The following EMCN variants were observed in gnomAD, a reference collection of about 807,000 sequenced individuals.
The protein encoded by EMCN is MUC-14.
In EMCN, 37 loss-of-function variants were observed where a neutral mutation model predicts 38.4. The ratio of observed to expected loss-of-function variants is 0.96; its 90% CI spans 0.74 to 1.27. The LOEUF is 1.27. EMCN is among the 50% of genes most tolerant of loss of function. The probability of loss-of-function intolerance (pLI) is 0.00; values close to 1 mark genes in which losing one functional copy is unlikely to be tolerated. For synonymous variants in EMCN, 95 were observed against 100.8 expected, an observed-to-expected ratio of 0.94 and a Z score of 0.35; for missense variants, 318 against 302.8, an observed-to-expected ratio of 1.05 and a Z score of -0.37.
At chr4:100,455,817 C>G (rs549730951) in intron 4 of EMCN, among the ~76,000 whole-genome samples, 2 of 151,800 alleles carry the variant, frequency 1.3e-5, no homozygotes, top group African/African-American at 4.8e-5. Context: ...TTTCTTGAGA[C>G]AGAGTTTCAC....
intron 2 of EMCN, among the ~76,000 whole-genome samples, chr4:100,475,925 CG>C (rs982236498): frequency 3.2e-4 from 49 of 151,964 alleles, no homozygotes; most frequent in African/African-American, 1.2e-3. Context: ...CCTCCCACCT[CG>C]GCCTCCCAAA....
At chr4:100,513,319 G>T (rs1163869702) in intron 1 of EMCN, among the ~76,000 whole-genome samples, 1 of 152,118 alleles carries the variant, frequency 6.6e-6, no homozygotes, top group African/African-American at 2.4e-5. Context: ...AGAGATACTG[G>T]TGTGGATTAA....
Position 100,514,140 on chromosome 4 carries a change from C to T in EMCN, c.64+3711G>A, listed in dbSNP as rs114786958. On this transcript the variant is annotated intron_variant, in intron 1 of 11. Transcript: ENST00000296420. ...TCTGGCTCCAGGGGCATACCGACTA[C>T]GCATCAGACACTTTTAATTTACCAT... Among the ~76,000 whole-genome samples the T allele has an allele frequency of 3.6e-3, 549 of 152,190 alleles. 4 individuals are homozygous for T. The highest frequency in any genetic ancestry group is 0.012 in the African/African-American group (509 of 41,524).
intron 2 of EMCN, among the ~76,000 whole-genome samples, chr4:100,475,956 G>A (rs1728636824): frequency 6.6e-6 from 1 of 152,032 alleles, no homozygotes; most frequent in Non-Finnish European, 1.5e-5. Flanking sequence ...TTACAGGCGT[G>A]AGCCACTGTG....
At chr4:100,449,390 A>C (rs1297115599) in intron 4 of EMCN, among the ~76,000 whole-genome samples, 1 of 152,110 alleles carries the variant, frequency 6.6e-6, no homozygotes, top group Non-Finnish European at 1.5e-5. Flanking sequence ...TATATAGGCC[A>C]GGTCTGTTAG....
intron 1 of EMCN, among the ~76,000 whole-genome samples, chr4:100,489,799 A>G (rs1436535500): frequency 6.6e-6 from 1 of 152,136 alleles, no homozygotes; most frequent in African/African-American, 2.4e-5. Context: ...AGCTTTTCAT[A>G]TCTGTGGGCT....
At chr4:100,498,308 A>T (rs570951048) in intron 1 of EMCN, among the ~76,000 whole-genome samples, 1 of 152,320 alleles carries the variant, frequency 6.6e-6, no homozygotes, top group Non-Finnish European at 1.5e-5. Context: ...GTTTCGCTAG[A>T]TGAAAAAAAG....
chr4:100,434,484 T>C (rs901595334), intron 5 of EMCN, among the ~76,000 whole-genome samples: 1 of 152,012 alleles, frequency 6.6e-6, no homozygotes, highest in African/African-American at 2.4e-5. Flanking sequence ...GAAACTATTT[T>C]AAATAATTGA....
intron 5 of EMCN, among the ~76,000 whole-genome samples, chr4:100,441,463 CTA>C (rs1298587621): frequency 3.3e-5 from 5 of 152,116 alleles, no homozygotes; most frequent in East Asian, 1.9e-4. Context: ...TTCAACCATT[CTA>C]TGTCTTTTAA....
chr4:100,421,113 A>G (rs1218913888), intron 8 of EMCN, among the ~76,000 whole-genome samples, 169 bp downstream of exon 8: 1 of 152,012 alleles, frequency 6.6e-6, no homozygotes, highest in Non-Finnish European at 1.5e-5. Context: ...TCTGCAGTTC[A>G]CTAGCATTCA....
At chr4:100,493,010 A>G (rs1198158996) in intron 1 of EMCN, among the ~76,000 whole-genome samples, 3 of 152,206 alleles carry the variant, frequency 2.0e-5, no homozygotes, top group South Asian at 4.1e-4. Context: ...ATAAAAAGTT[A>G]AGAAGTACAG....
intron 5 of EMCN, among the ~76,000 whole-genome samples, chr4:100,435,443 A>T (rs532799443): frequency 0.046 from 7,074 of 152,224 alleles, 567 homozygotes; most frequent in African/African-American, 0.16. Flanking sequence ...GAAAATGGCC[A>T]TACTGCCCAA....
rs575450182 is a variant in EMCN at position 100,398,241 on chromosome 4, T to C, written c.*172A>G. 6.6e-6 allele frequency: 1 copy of C among 152,256 alleles called. No homozygotes were observed. The highest frequency in any genetic ancestry group is 2.4e-5 in the African/African-American group (1 of 41,560). The allele number at this position is 152,256 out of a possible 1,614,324, so 9.4% of individuals were successfully genotyped here. A position where few individuals can be genotyped will look rare whatever the true frequency, so the allele number is the denominator to read the frequency against. ...GGTTCTTTTTGATTCCATCAAATTA[T>C]TGCATGTCAGCTGGACATCACTTTA... On this transcript the variant is annotated 3_prime_UTR_variant, in exon 12 of 12. Transcript: ENST00000296420.
chr4:100,516,242 G>C (rs1473817139), intron 1 of EMCN, among the ~76,000 whole-genome samples: 2 of 152,048 alleles, frequency 1.3e-5, no homozygotes, highest in Non-Finnish European at 2.9e-5. Context: ...TCTCTGGATT[G>C]TCCTTCATCT....
chr4:100,513,376 C>T (rs886873687), intron 1 of EMCN, among the ~76,000 whole-genome samples: 11 of 152,156 alleles, frequency 7.2e-5, no homozygotes, highest in African/African-American at 2.7e-4. Context: ...AAGCAACTCA[C>T]GTTACCTGTA....
chr4:100,416,019 AAG>A, intron 9 of EMCN, 60 bp from the exon 10 acceptor site: 2 of 1,107,576 alleles, frequency 1.8e-6, no homozygotes, highest in Non-Finnish European at 2.6e-6. Context: ...ATGTTTGTGA[AAG>A]TATTGTGACA....
intron 1 of EMCN, among the ~76,000 whole-genome samples, chr4:100,511,495 G>A (rs1729623909): frequency 1.3e-5 from 2 of 152,136 alleles, no homozygotes; most frequent in Non-Finnish European, 2.9e-5. Context: ...CAGTTGAGAA[G>A]TACAGAAAGA....
At chr4:100,426,438 C>T (rs894326506) in intron 5 of EMCN, among the ~76,000 whole-genome samples, 7 of 152,130 alleles carry the variant, frequency 4.6e-5, no homozygotes, top group South Asian at 2.1e-4. Context: ...TCAGCATCCC[C>T]GTTCTCTCTC....
intron 5 of EMCN, among the ~76,000 whole-genome samples, chr4:100,435,781 G>T (rs970000700): frequency 6.6e-6 from 1 of 152,136 alleles, no homozygotes; most frequent in Non-Finnish European, 1.5e-5. Flanking sequence ...ATGGGGAAAG[G>T]ATTTTCTATT....
Sources: gnomAD v4.1 joint callset for allele counts (sites outside exome capture counted in the v4.1 genomes callset) on GRCh38, gnomAD v4.1.1 for gene constraint, MANE v1.5 for transcripts, NCBI Gene and HGNC (gene_info 2026-07-23, HGNC 2026-07-21) for gene names.